The following HIRA variants were observed in gnomAD, a reference collection of about 807,000 sequenced individuals.
HIRA encodes histone cell cycle regulator.
A neutral mutation model predicts 126.6 loss-of-function variants in HIRA; 13 were observed. That is an observed-to-expected ratio of 0.10 (90% confidence interval 0.07 to 0.16). The LOEUF is 0.16. Ranked by LOEUF, HIRA falls within the 10% of genes least tolerant of loss-of-function variation. The probability of loss-of-function intolerance (pLI) is 1.00; values close to 1 mark genes in which losing one functional copy is unlikely to be tolerated. For missense variants in HIRA, 834 were observed against 1,314.4 expected, an observed-to-expected ratio of 0.63 and a Z score of 5.65; for synonymous variants, 511 against 520.0, an observed-to-expected ratio of 0.98 and a Z score of 0.24.
intron 1 of HIRA, among the ~76,000 whole-genome samples, chr22:19,413,414 G>A (rs1456040378): frequency 6.6e-6 from 1 of 151,904 alleles, no homozygotes; most frequent in Non-Finnish European, 1.5e-5. Context: ...TTATTATTTT[G>A]AGAAGGCGTG....
chr22:19,371,533 C>G (rs979224302), intron 15 of HIRA, among the ~76,000 whole-genome samples: 8 of 152,006 alleles, frequency 5.3e-5, no homozygotes, highest in African/African-American at 1.9e-4. Context: ...TAGCTTTTAG[C>G]ATATTCATAA....
chr22:19,411,529 T>G (rs1011545421), intron 1 of HIRA, among the ~76,000 whole-genome samples: 1 of 152,178 alleles, frequency 6.6e-6, no homozygotes, highest in Non-Finnish European at 1.5e-5. Flanking sequence ...TTTGTCCAGC[T>G]CCCTGCTTCT....
chr22:19,364,101 CTT>C (rs1352778430), intron 15 of HIRA, among the ~76,000 whole-genome samples: 1 of 151,576 alleles, frequency 6.6e-6, no homozygotes, highest in Non-Finnish European at 1.5e-5. Flanking sequence ...TGTGGGAACT[CTT>C]TGTATTTCCT....
intron 14 of HIRA, 90 bp from the exon 15 acceptor site, chr22:19,375,882 A>C: frequency 7.5e-7 from 1 of 1,337,872 alleles, no homozygotes; most frequent in Admixed American, 2.3e-5. Context: ...CTACTAAAAA[A>C]GGCACAAATA....
chr22:19,367,439 T>C (rs1256087966), intron 15 of HIRA, among the ~76,000 whole-genome samples: 12 of 151,734 alleles, frequency 7.9e-5, no homozygotes, highest in Admixed American at 7.9e-4. Flanking sequence ...TGATCTTGGA[T>C]CACTGCAACC....
intron 9 of HIRA, among the ~76,000 whole-genome samples, chr22:19,391,569 C>A (rs2089182498): frequency 6.6e-6 from 1 of 151,382 alleles, no homozygotes; most frequent in South Asian, 2.1e-4. Flanking sequence ...GCAAGCTCTG[C>A]CTCCCAGGTT....
chr22:19,339,770 G>A (rs2088606794), intron 24 of HIRA, among the ~76,000 whole-genome samples: 2 of 151,980 alleles, frequency 1.3e-5, no homozygotes, highest in South Asian at 2.1e-4. Context: ...AGAAAATCTA[G>A]AGGAAATGGA....
intron 1 of HIRA, among the ~76,000 whole-genome samples, chr22:19,421,172 G>A (rs987340989): frequency 1.3e-5 from 2 of 152,074 alleles, no homozygotes; most frequent in Non-Finnish European, 2.9e-5. Context: ...GGTGGCAAGT[G>A]CCTGTAATCC....
chr22:19,385,547 C>T lies in HIRA; in HGVS notation c.1303G>A (p.Gly435Arg), dbSNP rs2089118959. 2 of 1,614,120 alleles carry T rather than the reference C, an allele frequency of 1.2e-6. No individual in the cohort carries two copies. Among genetic ancestry groups the T allele is most frequent in the Non-Finnish European group, 8.5e-7 (1 of 1,180,044 alleles). Reference sequence around the variant, plus strand: ...TTCCTGATATCTTCAAGACTCTCCCCGTTGACAACGCCTGCGACTGAGGTG... The same window carrying T: ...TTCCTGATATCTTCAAGACTCTCCCTGTTGACAACGCCTGCGACTGAGGTG... ...SATSVAGVVN[G>R]ESLEDIRKNL... The change falls in exon 12 of 25, where the codon GGG becomes AGG. Residue 435 changes from glycine (G) to arginine (R), a missense_variant. This residue lies in a region of HIRA where 153 missense variants were observed against 270.6 expected (regional missense o/e 0.57). Coordinates refer to ENST00000263208, the MANE Select transcript of HIRA (RefSeq NM_003325.4).
chr22:19,360,556 T>C (rs2088853800), intron 17 of HIRA, among the ~76,000 whole-genome samples: 1 of 152,122 alleles, frequency 6.6e-6, no homozygotes. Flanking sequence ...GAGCAGTGTG[T>C]AGCCAGTGGG....
At chr22:19,400,681 C>G (rs1227565445) in intron 5 of HIRA, among the ~76,000 whole-genome samples, 1 of 152,106 alleles carries the variant, frequency 6.6e-6, no homozygotes, top group African/African-American at 2.4e-5. Context: ...GAGACCCTCC[C>G]CTCACTTGTA....
At chr22:19,397,883 C>A in intron 6 of HIRA, 109 bp downstream of exon 6, 2 of 669,614 alleles carry the variant, frequency 3.0e-6, no homozygotes, top group Non-Finnish European at 5.3e-6. Context: ...AATCCTAGGC[C>A]ACTGTGACAC....
At chr22:19,418,951 CAA>C (rs990456354) in intron 1 of HIRA, among the ~76,000 whole-genome samples, 2 of 144,404 alleles carry the variant, frequency 1.4e-5, no homozygotes, top group African/African-American at 2.6e-5. Context: ...CACACACACA[CAA>C]GGCCTGTTTT....
chr22:19,337,892 C>T (rs951103894), intron 24 of HIRA, among the ~76,000 whole-genome samples: 15 of 151,992 alleles, frequency 9.9e-5, no homozygotes, highest in South Asian at 2.1e-4. Flanking sequence ...CCCTGGTTCA[C>T]GCAATTCTCC....
At chr22:19,365,613 G>C (rs1230692316) in intron 15 of HIRA, among the ~76,000 whole-genome samples, 1 of 152,208 alleles carries the variant, frequency 6.6e-6, no homozygotes, top group African/African-American at 2.4e-5. Context: ...CCTTTCAAAA[G>C]ATTGCTGCTG....
At position 19,330,858 on chromosome 22, in the gene HIRA, C is replaced by G. The variant is rs2088476389; in HGVS notation, c.*582G>C. On this transcript the variant is annotated 3_prime_UTR_variant, in exon 25 of 25. Coordinates refer to ENST00000263208, the MANE Select transcript of HIRA (RefSeq NM_003325.4). ...TCAGTACAATTATTTTTCAGTGTAG[C>G]TGTCATAATTAGAGTTTAAATTTCC... The G allele has an allele frequency of 5.9e-6, 1 of 169,540 alleles. No homozygotes were observed. The highest frequency in any genetic ancestry group is 1.6e-4 in the East Asian group (1 of 6,084). 10.5% of individuals were successfully genotyped at this position (169,540 alleles called of 1,614,324 possible).
intron 1 of HIRA, among the ~76,000 whole-genome samples, chr22:19,425,036 T>C (rs953767555): frequency 6.6e-6 from 1 of 152,048 alleles, no homozygotes; most frequent in Non-Finnish European, 1.5e-5. Flanking sequence ...CCAGCAGACG[T>C]CCCCTCCTAG....
intron 15 of HIRA, among the ~76,000 whole-genome samples, chr22:19,365,270 G>GT (rs1198643720): frequency 6.6e-6 from 1 of 152,184 alleles, no homozygotes; most frequent in Admixed American, 6.5e-5. Context: ...GATGAAGGTG[G>GT]TAACACTAAA....
chr22:19,345,255 A>G (rs904906211), intron 24 of HIRA, among the ~76,000 whole-genome samples: 5 of 152,270 alleles, frequency 3.3e-5, no homozygotes, highest in South Asian at 2.1e-4. Context: ...GCGAAAAACT[A>G]CTATAAACAA....
Sources: allele counts gnomAD v4.1 joint callset (sites outside exome capture counted in the v4.1 genomes callset), GRCh38; gene constraint gnomAD v4.1.1; regional missense constraint gnomAD v4.1.1; transcripts MANE v1.5; gene names NCBI Gene and HGNC (gene_info 2026-07-23, HGNC 2026-07-21).